The following ZSWIM5 variants were observed in gnomAD, a reference collection of about 807,000 sequenced individuals.
ZSWIM5 encodes the protein zinc finger SWIM-type containing 5.
In ZSWIM5, 55 loss-of-function variants were observed where a neutral mutation model predicts 119.6. The observed-to-expected ratio is 0.46, with a 90% CI of 0.37 to 0.58. The LOEUF (loss-of-function observed/expected upper bound fraction) is 0.58, where lower values mean the gene tolerates loss of function less well. Among genes scored for constraint, ZSWIM5 ranks in the 20% least tolerant of loss-of-function variants. The probability of loss-of-function intolerance (pLI) is 0.00; values close to 1 mark genes in which losing one functional copy is unlikely to be tolerated. For synonymous variants in ZSWIM5, 537 were observed against 606.9 expected, an observed-to-expected ratio of 0.88 and a Z score of 1.69; for missense variants, 1,193 against 1,512.8, an observed-to-expected ratio of 0.79 and a Z score of 3.51.
rs188271074 is a variant in ZSWIM5, at chr1:45,018,522, C to T, written c.3490G>A (p.Asp1164Asn). Residue 1164 changes from aspartate (D) to asparagine (N), a missense_variant, in exon 14 of 14, where the codon GAC becomes AAC. Coordinates refer to ENST00000359600, the MANE Select transcript of ZSWIM5 (RefSeq NM_020883.2). This position sits in a 1 kb window ranked among gnomAD's most constrained non-coding sequence, Gnocchi z 6.7. ...DGHLQFAQFIDNLKQIYKGKK... is the reference protein window; with the variant it reads ...DGHLQFAQFINNLKQIYKGKK... Reference sequence around the variant, plus strand: ...CCTTTGTAGATCTGTTTGAGGTTGTCGATGAACTGGGCAAACTGCAGGTGG... The same window carrying T: ...CCTTTGTAGATCTGTTTGAGGTTGTTGATGAACTGGGCAAACTGCAGGTGG... 1.6e-5 allele frequency: 26 copies of T among 1,613,910 alleles called. No homozygotes were observed. The Admixed American group carries it at 2.7e-4, about 17-fold the overall frequency.
chr1:45,195,393 A>T (rs954282183), intron 1 of ZSWIM5, among the ~76,000 whole-genome samples: 11 of 151,654 alleles, frequency 7.3e-5, no homozygotes, highest in African/African-American at 2.7e-4. Context: ...GTGTGCCAAC[A>T]TGCCTGGCTA....
At chr1:45,131,799 T>C (rs6665506) in intron 1 of ZSWIM5, among the ~76,000 whole-genome samples, 3,086 of 150,664 alleles carry the variant, frequency 0.02, 112 homozygotes, top group African/African-American at 0.072. Flanking sequence ...GGTAGTACTA[T>C]TATTATTATT....
chr1:45,205,501 G>A (rs1280368013), intron 1 of ZSWIM5, among the ~76,000 whole-genome samples: 1 of 151,880 alleles, frequency 6.6e-6, no homozygotes, highest in Non-Finnish European at 1.5e-5. Context: ...CTTGGTGTGG[G>A]GAATAGAAAG....
intron 2 of ZSWIM5, among the ~76,000 whole-genome samples, chr1:45,073,738 T>G (rs1021857612): frequency 6.6e-6 from 1 of 151,922 alleles, no homozygotes; most frequent in Non-Finnish European, 1.5e-5. Flanking sequence ...CTCTCTTCTT[T>G]GCTTGCTCTA....
intron 1 of ZSWIM5, among the ~76,000 whole-genome samples, chr1:45,110,913 G>T (rs1645512720): frequency 6.6e-6 from 1 of 152,024 alleles, no homozygotes; most frequent in Non-Finnish European, 1.5e-5. Flanking sequence ...GCAATCCCAA[G>T]ATATCGATCT....
intron 1 of ZSWIM5, among the ~76,000 whole-genome samples, chr1:45,132,617 T>C (rs1409027561): frequency 6.6e-6 from 1 of 150,450 alleles, no homozygotes; most frequent in Non-Finnish European, 1.5e-5. Flanking sequence ...ATTTTTTTTC[T>C]TTTTTTTTAT....
At chr1:45,133,590 G>C (rs1470532320) in intron 1 of ZSWIM5, among the ~76,000 whole-genome samples, 1 of 151,226 alleles carries the variant, frequency 6.6e-6, no homozygotes, top group Non-Finnish European at 1.5e-5. Context: ...AGTTTCTTTT[G>C]CTGTGCAGAA....
At chr1:45,106,293 C>T (rs1645477153) in intron 1 of ZSWIM5, among the ~76,000 whole-genome samples, 1 of 139,354 alleles carries the variant, frequency 7.2e-6, no homozygotes, top group African/African-American at 2.7e-5. Flanking sequence ...TGGGGAGCGC[C>T]TCTGCCTGGC....
chr1:45,180,539 C>A (rs1646010426), intron 1 of ZSWIM5, among the ~76,000 whole-genome samples: 2 of 152,208 alleles, frequency 1.3e-5, no homozygotes, highest in South Asian at 4.1e-4. Context: ...GTAACCTCTG[C>A]AGACTTAAAT....
Position 45,057,195 on chromosome 1 carries a change from A to G in ZSWIM5, c.1252+1414T>C, listed in dbSNP as rs182909793. On this transcript the variant is annotated intron_variant, in intron 4 of 13. Coordinates refer to ENST00000359600, the MANE Select transcript of ZSWIM5 (RefSeq NM_020883.2). This position sits in a 1 kb window ranked among gnomAD's most constrained non-coding sequence, Gnocchi z 4.7. ...AATGCAAATTCTCAGGCTCCACTCC[A>G]AACCTACTAATTCAGAAACTCGGGA... 2.0e-5 allele frequency among the ~76,000 whole-genome samples: 3 copies of G among 152,354 alleles called. No individual in the cohort carries two copies. The highest frequency in any genetic ancestry group is 6.5e-5 in the Admixed American group (1 of 15,304).
At chr1:45,186,368 T>A (rs1008370848) in intron 1 of ZSWIM5, among the ~76,000 whole-genome samples, 1 of 150,980 alleles carries the variant, frequency 6.6e-6, no homozygotes, top group South Asian at 2.1e-4. Context: ...AACCTGCACA[T>A]TGTGCACATG....
chr1:45,175,199 G>T (rs1645972569), intron 1 of ZSWIM5, among the ~76,000 whole-genome samples: 1 of 152,050 alleles, frequency 6.6e-6, no homozygotes. Context: ...ATCATGATTA[G>T]ATTCAGGTTA....
chr1:45,120,914 G>T (rs1240125075), intron 1 of ZSWIM5, among the ~76,000 whole-genome samples: 4 of 151,832 alleles, frequency 2.6e-5, no homozygotes, highest in Admixed American at 1.3e-4. Context: ...CCTAGTTAAG[G>T]GTAATTCTTC....
intron 1 of ZSWIM5, among the ~76,000 whole-genome samples, chr1:45,102,176 A>G (rs1353086291): frequency 6.6e-6 from 1 of 152,226 alleles, no homozygotes; most frequent in Non-Finnish European, 1.5e-5. Flanking sequence ...ATTACAAGAT[A>G]AAGTTCAAAC....
intron 4 of ZSWIM5, 65 bp downstream of exon 4, chr1:45,058,544 A>G: frequency 6.3e-7 from 1 of 1,596,982 alleles, no homozygotes; most frequent in Non-Finnish European, 8.6e-7. Flanking sequence ...GCAAGGGCTC[A>G]TAAACACTGT....
chr1:45,032,549 C>T (rs1372177605), intron 11 of ZSWIM5, among the ~76,000 whole-genome samples: 1 of 147,834 alleles, frequency 6.8e-6, no homozygotes, highest in Non-Finnish European at 1.5e-5. Flanking sequence ...TTCAGTGGTG[C>T]AACTCGGCTC....
At chr1:45,081,704 C>A (rs966169596) in intron 2 of ZSWIM5, among the ~76,000 whole-genome samples, 1 of 152,114 alleles carries the variant, frequency 6.6e-6, no homozygotes, top group African/African-American at 2.4e-5. Context: ...CCCAAAGTGC[C>A]GAGATTGCAG....
intron 4 of ZSWIM5, among the ~76,000 whole-genome samples, chr1:45,055,116 G>T (rs1460415693): frequency 6.6e-6 from 1 of 152,036 alleles, no homozygotes; most frequent in Admixed American, 6.6e-5. Flanking sequence ...TCAGCCTCCC[G>T]AGTAGCTGGG....
At chr1:45,159,808 C>A (rs1237572006) in intron 1 of ZSWIM5, among the ~76,000 whole-genome samples, 1 of 152,094 alleles carries the variant, frequency 6.6e-6, no homozygotes, top group Non-Finnish European at 1.5e-5. Flanking sequence ...AGGCTAGTCT[C>A]GAACTCCTGA....
Sources: gnomAD v4.1 joint callset for allele counts (sites outside exome capture counted in the v4.1 genomes callset) on GRCh38, gnomAD v4.1.1 for gene constraint, Gnocchi (gnomAD v3.1) non-coding constraint, MANE v1.5 for transcripts, NCBI Gene and HGNC (gene_info 2026-07-23, HGNC 2026-07-21) for gene names.